CFAP418: variants seen among roughly 807,000 people sequenced by gnomAD.
CFAP418 encodes the protein cilia- and flagella-associated protein 418.
Under a neutral mutation model 24.7 loss-of-function variants are expected in CFAP418, and 27 were observed. The ratio of observed to expected loss-of-function variants is 1.09; its 90% confidence interval spans 0.81 to 1.51. The LOEUF (loss-of-function observed/expected upper bound fraction) is 1.51. Ranked by LOEUF, CFAP418 falls within the 40% of genes most tolerant of loss-of-function variation. The probability of loss-of-function intolerance (pLI) is 0.00; values close to 1 mark genes in which losing one functional copy is unlikely to be tolerated. For synonymous variants in CFAP418, 74 were observed against 87.3 expected (o/e 0.85, Z 0.85); for missense variants, 257 against 255.2 (o/e 1.01, Z -0.05).
intron 4 of CFAP418, among the ~76,000 whole-genome samples, chr8:95,258,090 G>C (rs909094924): frequency 9.9e-5 from 15 of 152,118 alleles, no homozygotes; most frequent in African/African-American, 3.4e-4. Flanking sequence ...AGTTTAAAAA[G>C]TGAAAAACAG....
At chr8:95,248,063 A>G (rs191807251) in intron 5 of CFAP418, among the ~76,000 whole-genome samples, 1 of 152,062 alleles carries the variant, frequency 6.6e-6, no homozygotes, top group Admixed American at 6.5e-5. Context: ...GTTGATCTCA[A>G]ACTCCTGGGC....
intron 5 of CFAP418, among the ~76,000 whole-genome samples, chr8:95,251,350 G>C (rs1439976705): frequency 1.3e-5 from 2 of 152,220 alleles, no homozygotes; most frequent in East Asian, 1.9e-4. Flanking sequence ...TGGTGGGAAG[G>C]CATCCCAAGA....
At chr8:95,268,751 C>CGGGGCGGGGCGGGGCG in intron 1 of CFAP418, 1 of 113,556 alleles carries the variant, frequency 8.8e-6, no homozygotes. Context: ...GCGGGCTCTG[C>CGGGGCGGGGCGGGGCG]GGGCGGGGCG....
At chr8:95,265,259 C>G (rs1161746963) in intron 1 of CFAP418, among the ~76,000 whole-genome samples, 1 of 152,092 alleles carries the variant, frequency 6.6e-6, no homozygotes, top group Non-Finnish European at 1.5e-5. Flanking sequence ...TTGCCAAATG[C>G]CCCTTGGGTG....
intron 2 of CFAP418, 84 bp from the exon 3 acceptor site, chr8:95,260,616 A>G (rs1302159590): frequency 1.4e-6 from 1 of 725,974 alleles, no homozygotes; most frequent in African/African-American, 1.9e-5. Flanking sequence ...TAACAAGAAT[A>G]TTTTCTAAAT....
Position 95,246,907 on chromosome 8 carries a change from A to AT in CFAP418, c.*709dup, listed in dbSNP as rs1371246770. 6.6e-6 allele frequency: 1 copy of AT among 152,234 alleles called. No individual in the cohort carries two copies. Among genetic ancestry groups the AT allele is most frequent in the African/African-American group, 2.4e-5 (1 of 41,456 alleles). The allele number at this position is 152,234 out of a possible 1,614,324, so 9.4% of individuals were successfully genotyped here. On this transcript the variant is annotated 3_prime_UTR_variant, in exon 6 of 6. Coordinates refer to ENST00000286688, the MANE Select transcript of CFAP418 (RefSeq NM_177965.4). ...ACCTGTATGTATTAGGATTTTTGTG[A>AT]TTTTGGGTGCATCAAACTCTTTTTA...
intron 5 of CFAP418, among the ~76,000 whole-genome samples, chr8:95,250,081 G>C (rs576199134): frequency 6.6e-6 from 1 of 152,240 alleles, no homozygotes; most frequent in African/African-American, 2.4e-5. Flanking sequence ...CTCATCTTAT[G>C]AGCCCAGTAT....
chr8:95,254,359 A>G (rs1811755016), intron 4 of CFAP418, among the ~76,000 whole-genome samples: 1 of 152,234 alleles, frequency 6.6e-6, no homozygotes. Context: ...TAGAAATCAA[A>G]CAACGCAAAT....
intron 5 of CFAP418, among the ~76,000 whole-genome samples, chr8:95,248,552 C>T (rs370289021): frequency 6.6e-6 from 1 of 152,102 alleles, no homozygotes; most frequent in African/African-American, 2.4e-5. Context: ...ACAAAAATGT[C>T]TATCCTGAAA....
intron 2 of CFAP418, among the ~76,000 whole-genome samples, chr8:95,262,008 G>C (rs1004764657): frequency 6.6e-6 from 1 of 152,160 alleles, no homozygotes; most frequent in African/African-American, 2.4e-5. Flanking sequence ...CTATTTGCAG[G>C]GTACAGGTGA....
chr8:95,252,321 G>T, intron 4 of CFAP418, 38 bp from the exon 5 acceptor site: 2 of 1,346,638 alleles, frequency 1.5e-6, no homozygotes, highest in Non-Finnish European at 2.1e-6. Flanking sequence ...AAAGATTATT[G>T]GTATCTTTAA....
In CFAP418 at chr8:95,252,238, G is replaced by T; in HGVS notation, c.420C>A (p.Val140=). 6.2e-7 allele frequency: 1 copy of T among 1,613,730 alleles called. No homozygotes were observed. The change falls in exon 5 of 6, where the codon GTC becomes GTA. Residue 140 remains valine (V), a synonymous_variant. Coordinates refer to ENST00000286688, the MANE Select transcript of CFAP418 (RefSeq NM_177965.4). ...TGTCCCACATATAGTCATCATAGCT[G>T]ACTACCAAGAAATCACAGGCTATAC... ...LRCIACDFLV[V]SYDDYMWDKS...
Position 95,247,667 on chromosome 8 carries a change from T to A in CFAP418, c.574A>T (p.Thr192Ser), listed in dbSNP as rs1273620272. 5.0e-6 allele frequency: 8 copies of A among 1,614,102 alleles called. No individual in the cohort carries two copies. The highest frequency in any genetic ancestry group is 6.8e-6 in the Non-Finnish European group (8 of 1,180,042). ...QCSWRTIEEVTDLQTDHQLRW... is the reference protein window; with the variant it reads ...QCSWRTIEEVSDLQTDHQLRW... ...AGCTGATGATCTGTCTGAAGGTCAG[T>A]CACTTCTTCAATAGTTCTCCAGCTA... Residue 192 changes from threonine (T) to serine (S), a missense_variant, in exon 6 of 6, where the codon ACT (threonine) becomes TCT (serine). Transcript: ENST00000286688.
intron 4 of CFAP418, among the ~76,000 whole-genome samples, chr8:95,256,187 A>G (rs1159314501): frequency 7.5e-6 from 1 of 133,844 alleles, no homozygotes; most frequent in Non-Finnish European, 1.8e-5. Flanking sequence ...GAAAATCTTA[A>G]TGAAATGTTT....
At chr8:95,262,870 A>C (rs1246513007) in intron 2 of CFAP418, among the ~76,000 whole-genome samples, 1 of 152,196 alleles carries the variant, frequency 6.6e-6, no homozygotes, top group Non-Finnish European at 1.5e-5. Flanking sequence ...AAAAAAAGGT[A>C]TCTGATGAAG....
chr8:95,247,633 A>G lies in CFAP418; in HGVS notation c.608T>C (p.Val203Ala). The change falls in exon 6 of 6, where the codon GTT becomes GCT. Residue 203 changes from valine to alanine, a missense_variant. Physicochemically the swap from Val to Ala is moderately conservative, Grantham distance 64. Transcript: ENST00000286688. ...TCTGCATTCTTAATGTTTACCACAA[A>G]CCCAGCGAAGCTGATGATCTGTCTG... Reference protein sequence around the residue: ...DLQTDHQLRWVCGKH With the variant: ...DLQTDHQLRWACGKH The G allele has an allele frequency of 9.3e-6, 15 of 1,614,188 alleles. No homozygotes were observed. Among genetic ancestry groups the G allele is most frequent in the Non-Finnish European group, 1.1e-5 (13 of 1,180,032 alleles).
intron 3 of CFAP418, 137 bp from the exon 4 acceptor site, chr8:95,260,042 C>A: frequency 1.6e-6 from 1 of 629,064 alleles, no homozygotes; most frequent in South Asian, 2.2e-5. Context: ...CCCTAGCAAG[C>A]CAACCATTTC....
chr8:95,251,192 T>C (rs1364491927), intron 5 of CFAP418, among the ~76,000 whole-genome samples: 1 of 152,196 alleles, frequency 6.6e-6, no homozygotes, highest in Admixed American at 6.5e-5. Context: ...GAGCTTCAGT[T>C]TTATATTACA....
intron 5 of CFAP418, among the ~76,000 whole-genome samples, chr8:95,248,345 A>G (rs1396300755): frequency 1.2e-4 from 18 of 152,218 alleles, no homozygotes. Context: ...CCTATCAGAG[A>G]TGAAATAATA....
Sources: gnomAD v4.1 joint callset for allele counts (sites outside exome capture counted in the v4.1 genomes callset) on GRCh38, gnomAD v4.1.1 for gene constraint, MANE v1.5 for transcripts, NCBI Gene and HGNC (gene_info 2026-07-23, HGNC 2026-07-21) for gene names.